ESYT2: variants seen among roughly 807,000 people sequenced by gnomAD.
The protein encoded by ESYT2 is extended synaptotagmin-2.
Under a neutral mutation model 107.2 loss-of-function variants are expected in ESYT2, and 54 were observed. The observed-to-expected ratio is 0.50, with a 90% CI of 0.40 to 0.63. The LOEUF (loss-of-function observed/expected upper bound fraction) is 0.63, where lower values mean the gene tolerates loss of function less well. Among genes scored for constraint, ESYT2 ranks in the 30% least tolerant of loss-of-function variants. ESYT2 has a pLI of 0.00. For missense variants in ESYT2, 1,020 were observed against 1,094.5 expected (o/e 0.93, Z 0.96); for synonymous variants, 491 against 434.1 (o/e 1.13, Z -1.63).
intron 6 of ESYT2, among the ~76,000 whole-genome samples, chr7:158,784,052 G>C (rs1839022069): frequency 6.6e-6 from 1 of 152,084 alleles, no homozygotes; most frequent in African/African-American, 2.4e-5. Context: ...AAAGACACAA[G>C]GCACAGGGAG....
In ESYT2 at chr7:158,788,189, GC is replaced by G. The variant is rs1839172900; in HGVS notation, c.658-97del. ...GCATGCGAATCTTAGTAACTTTTGA[GC>G]ATGTGACTTCTTATTTATCTCAACT... is the stretch of plus-strand genomic sequence containing the variant. On this transcript the variant is annotated intron_variant, in intron 5 of 22. Coordinates refer to ENST00000275418, the MANE Select transcript of ESYT2 (RefSeq NM_001367773.1). 5 of 1,198,446 alleles carry G rather than the reference GC, an allele frequency of 4.2e-6. No individual in the cohort carries two copies. In the South Asian group the frequency reaches 6.5e-5, roughly 15 times the overall value. 74.2% of individuals were successfully genotyped at this position (1,198,446 alleles called of 1,614,324 possible). A position where few individuals can be genotyped will look rare whatever the true frequency, so the allele number is the denominator to read the frequency against.
intron 9 of ESYT2, 97 bp downstream of exon 9, chr7:158,764,580 G>T: frequency 1.6e-6 from 2 of 1,262,100 alleles, no homozygotes; most frequent in Non-Finnish European, 2.2e-6. Context: ...GCCTAAATGA[G>T]CCACACTCCC....
intron 8 of ESYT2, among the ~76,000 whole-genome samples, chr7:158,765,980 A>T (rs1248683678): frequency 6.6e-6 from 1 of 151,958 alleles, no homozygotes; most frequent in East Asian, 1.9e-4. Flanking sequence ...TGGGCGGATC[A>T]TGAGGTCAGG....
At chr7:158,801,564 C>A (rs193138370) in intron 1 of ESYT2, among the ~76,000 whole-genome samples, 139 of 152,212 alleles carry the variant, frequency 9.1e-4, no homozygotes, top group Non-Finnish European at 1.5e-3. Context: ...GACTGGGACA[C>A]ACAGGGATCA....
rs768899357 is a variant in ESYT2, at chr7:158,741,810, C to T, written c.1881G>A (p.Arg627=). ...ACATATGAGATTTGATGGATGTTTT[C>T]CTCCCCTCTTTGGACACAGAGGGAC... ...VKRPSVSKEG[R]KTSIKSHMSG... is the part of the protein sequence containing the mutation. Residue 627 remains arginine, a synonymous_variant, in exon 18 of 23, where the codon AGG becomes AGA. Transcript: ENST00000275418. The T allele has an allele frequency of 6.2e-7, 1 of 1,614,002 alleles. No homozygotes were observed. Among genetic ancestry groups the T allele is most frequent in the Non-Finnish European group, 8.5e-7 (1 of 1,179,988 alleles).
At chr7:158,785,341 C>G (rs1839070910) in intron 6 of ESYT2, among the ~76,000 whole-genome samples, 1 of 152,178 alleles carries the variant, frequency 6.6e-6, no homozygotes, top group East Asian at 1.9e-4. Flanking sequence ...AGGACAATCA[C>G]TTGAACCCAG....
intron 1 of ESYT2, among the ~76,000 whole-genome samples, chr7:158,808,291 T>C (rs898413407): frequency 2.6e-5 from 4 of 152,214 alleles, no homozygotes; most frequent in African/African-American, 9.6e-5. Context: ...TCTCACTCTG[T>C]CCAGCTCGAG....
chr7:158,760,254 T>A (rs1837913081), intron 11 of ESYT2, 107 bp from the exon 12 acceptor site: 1 of 929,590 alleles, frequency 1.1e-6, no homozygotes, highest in Non-Finnish European at 1.7e-6. Flanking sequence ...CCACGAGGCA[T>A]CAACAGTTCT....
chr7:158,768,065 T>C (rs1838225760), intron 7 of ESYT2, among the ~76,000 whole-genome samples: 1 of 152,238 alleles, frequency 6.6e-6, no homozygotes, highest in Non-Finnish European at 1.5e-5. Flanking sequence ...GCAAATACTT[T>C]TGCACCAACC....
In ESYT2 at chr7:158,764,769, C is replaced by G; in HGVS notation, c.1009G>C (p.Asp337His). The change falls in exon 9 of 23, where the codon GAC becomes CAC. Residue 337 changes from aspartate to histidine, a missense_variant. Coordinates refer to ENST00000275418, the MANE Select transcript of ESYT2 (RefSeq NM_001367773.1). ...YLKGLVKGKS[D>H]PYGIIRVGNQ... ...CCAACTCTAATGATTCCATAGGGGT[C>G]TGACTTTCCCTTGACAAGTCCCTTA... The G allele has an allele frequency of 6.2e-7, 1 of 1,614,206 alleles. No individual in the cohort carries two copies. The highest frequency in any genetic ancestry group is 2.2e-5 in the East Asian group (1 of 44,882).
chr7:158,776,589 A>G (rs1838573304), intron 6 of ESYT2, among the ~76,000 whole-genome samples: 1 of 152,210 alleles, frequency 6.6e-6, no homozygotes. Flanking sequence ...AAGTGAAGAT[A>G]GTTAGGACTT....
At chr7:158,793,586 AG>A (rs775412477) in intron 4 of ESYT2, 63 bp downstream of exon 4, 3 of 1,190,716 alleles carry the variant, frequency 2.5e-6, no homozygotes, top group Non-Finnish European at 3.7e-6. Flanking sequence ...TCCACCTTAC[AG>A]GTACAGCTAA....
chr7:158,759,760 A>T (rs1837896491), intron 12 of ESYT2, among the ~76,000 whole-genome samples, 179 bp from the exon 13 acceptor site: 1 of 152,216 alleles, frequency 6.6e-6, no homozygotes, highest in Non-Finnish European at 1.5e-5. Flanking sequence ...CTACTATTCC[A>T]TATATAAGTC....
chr7:158,800,734 CTT>C (rs1235340586), intron 1 of ESYT2, among the ~76,000 whole-genome samples: 3 of 117,332 alleles, frequency 2.6e-5, no homozygotes, highest in African/African-American at 3.3e-5. Flanking sequence ...CTTTTCTTTT[CTT>C]TTTTTTTTTT....
At chr7:158,818,337 G>A (rs1840201647) in intron 1 of ESYT2, among the ~76,000 whole-genome samples, 1 of 152,212 alleles carries the variant, frequency 6.6e-6, no homozygotes, top group South Asian at 2.1e-4. Context: ...TGCCACTGTA[G>A]GCTCCTTGGA....
At chr7:158,821,515 C>T (rs1840284729) in intron 1 of ESYT2, among the ~76,000 whole-genome samples, 1 of 152,216 alleles carries the variant, frequency 6.6e-6, no homozygotes, top group Non-Finnish European at 1.5e-5. Context: ...ACTACTTTCA[C>T]CCCCATCATG....
At chr7:158,783,386 C>T (rs1328215638) in intron 6 of ESYT2, among the ~76,000 whole-genome samples, 1 of 152,210 alleles carries the variant, frequency 6.6e-6, no homozygotes, top group Non-Finnish European at 1.5e-5. Context: ...CTGCATTGAG[C>T]TCCACAGTTC....
intron 15 of ESYT2, 79 bp downstream of exon 15, chr7:158,749,570 G>A (rs907709398): frequency 9.5e-6 from 13 of 1,371,624 alleles, no homozygotes; most frequent in African/African-American, 5.8e-5. Context: ...TTTGCAACCC[G>A]GCATCCCCAG....
intron 1 of ESYT2, among the ~76,000 whole-genome samples, chr7:158,800,734 CTTTTT>C (rs1235340586): frequency 8.5e-6 from 1 of 117,384 alleles, no homozygotes; most frequent in Non-Finnish European, 1.9e-5. Flanking sequence ...CTTTTCTTTT[CTTTTT>C]TTTTTTTGAG....
Sources: allele counts gnomAD v4.1 joint callset (sites outside exome capture counted in the v4.1 genomes callset), GRCh38; gene constraint gnomAD v4.1.1; transcripts MANE v1.5; gene names NCBI Gene and HGNC (gene_info 2026-07-23, HGNC 2026-07-21).